Variants in ACOXL observed in about 807,000 individuals in gnomAD.
The protein encoded by ACOXL is acyl-CoA oxidase like.
A neutral mutation model predicts 71.9 loss-of-function variants in ACOXL; 70 were observed. The observed-to-expected ratio is 0.97, with a 90% CI of 0.80 to 1.19. The LOEUF (loss-of-function observed/expected upper bound fraction) is 1.19, where lower values mean the gene tolerates loss of function less well. Among genes scored for constraint, ACOXL ranks in the 50% most tolerant of loss-of-function variants. The pLI is 0.00. For missense variants in ACOXL, 703 were observed against 736.3 expected, an observed-to-expected ratio of 0.95 and a Z score of 0.52; for synonymous variants, 253 against 281.6, an observed-to-expected ratio of 0.90 and a Z score of 1.02.
chr2:110,891,692 C>T (rs558401103), intron 10 of ACOXL, among the ~76,000 whole-genome samples: 1 of 152,154 alleles, frequency 6.6e-6, no homozygotes, highest in East Asian at 1.9e-4. Flanking sequence ...AAATCAATTT[C>T]AGCAATTAAA....
At chr2:111,049,101 A>G (rs941513597) in intron 15 of ACOXL, 117 bp from the exon 16 acceptor site, 10 of 832,262 alleles carry the variant, frequency 1.2e-5, no homozygotes, top group Non-Finnish European at 1.5e-5. Context: ...CATGTCACCA[A>G]GGAAGGACGG....
In ACOXL at chr2:110,995,961, A is replaced by G; in HGVS notation, c.1238A>G (p.Glu413Gly). The G allele has an allele frequency of 6.2e-7, 1 of 1,613,270 alleles. No individual in the cohort carries two copies. Among genetic ancestry groups the G allele is most frequent in the South Asian group, 1.1e-5 (1 of 91,078 alleles). Residue 413 changes from glutamate to glycine, a missense_variant, in exon 14 of 18, where the codon GAA (glutamate) becomes GGA (glycine). Physicochemically the swap from Glu to Gly is moderately conservative, Grantham distance 98 (BLOSUM62 -2). Transcript: ENST00000439055. The stretch of plus-strand genomic sequence containing the variant: ...CTGTTGAAAGCAGTGAAATTTCGTG[A>G]AAGGGTTCTTCAGCGGGGTTTGGTG... ...AFLLKAVKFR[E>G]RVLQRGLVAR...
chr2:110,761,959 A>C (rs1385509988), intron 1 of ACOXL, among the ~76,000 whole-genome samples: 2 of 151,932 alleles, frequency 1.3e-5, no homozygotes, highest in African/African-American at 4.8e-5. Flanking sequence ...CTTTCTTCTG[A>C]TTGGCTCTAG....
intron 16 of ACOXL, 54 bp from the exon 17 acceptor site, chr2:111,092,811 G>A: frequency 7.9e-7 from 1 of 1,266,866 alleles, no homozygotes; most frequent in Non-Finnish European, 1.1e-6. Flanking sequence ...TAGATTTTGT[G>A]TTTTCTAATA....
At chr2:111,011,687 A>T (rs536110123) in intron 14 of ACOXL, among the ~76,000 whole-genome samples, 11 of 152,222 alleles carry the variant, frequency 7.2e-5, no homozygotes, top group Non-Finnish European at 1.6e-4. Context: ...GTTTGAGACC[A>T]GCCTGACCAA....
intron 15 of ACOXL, among the ~76,000 whole-genome samples, chr2:111,034,927 T>C (rs973824914): frequency 6.6e-6 from 1 of 151,958 alleles, no homozygotes; most frequent in African/African-American, 2.4e-5. Flanking sequence ...ACAGTCTTTT[T>C]TTTTTTTTTT....
At chr2:110,938,970 T>C (rs933082924) in intron 12 of ACOXL, among the ~76,000 whole-genome samples, 1 of 152,206 alleles carries the variant, frequency 6.6e-6, no homozygotes, top group Non-Finnish European at 1.5e-5. Flanking sequence ...ACAACCCATA[T>C]TGACAGCTCA....
intron 1 of ACOXL, among the ~76,000 whole-genome samples, chr2:110,736,536 A>G (rs1676863649): frequency 6.6e-6 from 1 of 152,068 alleles, no homozygotes; most frequent in Non-Finnish European, 1.5e-5. Flanking sequence ...AGGTTCATCC[A>G]TGTTGTAGCA....
At chr2:110,993,709 C>T (rs540149130) in intron 13 of ACOXL, among the ~76,000 whole-genome samples, 25 of 152,264 alleles carry the variant, frequency 1.6e-4, no homozygotes, top group Middle Eastern at 3.4e-3. Flanking sequence ...ACTGTGACAA[C>T]ATTTTGCAAA....
chr2:110,833,670 T>TA lies in ACOXL; in HGVS notation c.754-7694dup, dbSNP rs994463259. Among the ~76,000 whole-genome samples the TA allele has an allele frequency of 3.3e-5, 5 of 152,328 alleles. No homozygotes were observed. The East Asian group carries it at 7.7e-4, about 23-fold the overall frequency. The stretch of plus-strand genomic sequence containing the variant: ...TTATCTCAAAATAAACAGCCTGATT[T>TA]AAAAAAACTGTTTATTTTCCCTGCA... On this transcript the variant is annotated intron_variant, in intron 9 of 17. Coordinates refer to ENST00000439055, the MANE Select transcript of ACOXL (RefSeq NM_001142807.4).
Position 110,812,760 on chromosome 2 carries a change from A to G in ACOXL, c.753+7365A>G, listed in dbSNP as rs547799359. On this transcript the variant is annotated intron_variant, in intron 9 of 17. Transcript: ENST00000439055. ...ATATTTGAAAGAATTTCCATTTTGA[A>G]TTTGCTTCGATTCCACGAAGACGTG... Among the ~76,000 whole-genome samples, 5 of 152,350 alleles carry G rather than the reference A, an allele frequency of 3.3e-5. No individual in the cohort carries two copies. The South Asian group carries it at 1.0e-3, about 32-fold the overall frequency.
intron 9 of ACOXL, among the ~76,000 whole-genome samples, chr2:110,828,024 G>T (rs968256517): frequency 6.6e-6 from 1 of 152,168 alleles, no homozygotes; most frequent in South Asian, 2.1e-4. Flanking sequence ...AGGCTGGAGT[G>T]CAGTGGCATG....
At chr2:110,803,296 C>T (rs1232731359) in intron 8 of ACOXL, among the ~76,000 whole-genome samples, 1 of 152,188 alleles carries the variant, frequency 6.6e-6, no homozygotes, top group Non-Finnish European at 1.5e-5. Context: ...GTAATCAAGA[C>T]AGTGTGGTAT....
chr2:110,809,253 C>T (rs1049883077), intron 9 of ACOXL, among the ~76,000 whole-genome samples: 1 of 152,246 alleles, frequency 6.6e-6, no homozygotes, highest in African/African-American at 2.4e-5. Flanking sequence ...GTGCATTGTG[C>T]TGTAAGCAGG....
intron 10 of ACOXL, among the ~76,000 whole-genome samples, chr2:110,879,066 A>AG (rs1558662769): frequency 6.6e-6 from 1 of 152,046 alleles, no homozygotes; most frequent in East Asian, 1.9e-4. Flanking sequence ...AAAAAAAAAA[A>AG]AAAGTCAAAA....
intron 12 of ACOXL, among the ~76,000 whole-genome samples, chr2:110,954,098 G>A (rs2061419622): frequency 6.6e-6 from 1 of 152,166 alleles, no homozygotes; most frequent in Non-Finnish European, 1.5e-5. Context: ...CTAGCGAATT[G>A]AGTATTTGAC....
intron 1 of ACOXL, among the ~76,000 whole-genome samples, chr2:110,758,324 G>A (rs1169463345): frequency 6.6e-6 from 1 of 152,180 alleles, no homozygotes. Context: ...GTCAAATAGT[G>A]TGATGCTTCC....
intron 9 of ACOXL, among the ~76,000 whole-genome samples, chr2:110,806,603 G>A (rs947905751): frequency 6.6e-6 from 1 of 152,252 alleles, no homozygotes; most frequent in Non-Finnish European, 1.5e-5. Context: ...AGGGAAGATT[G>A]GTTAAACATC....
intron 14 of ACOXL, among the ~76,000 whole-genome samples, chr2:111,013,376 T>G (rs2064259065): frequency 6.6e-6 from 1 of 151,774 alleles, no homozygotes; most frequent in South Asian, 2.1e-4. Context: ...ATACAAAAAT[T>G]AGCCAGGTGT....
Sources: gnomAD v4.1 joint callset for allele counts (sites outside exome capture counted in the v4.1 genomes callset) on GRCh38, gnomAD v4.1.1 for gene constraint, MANE v1.5 for transcripts, NCBI Gene and HGNC (gene_info 2026-07-23, HGNC 2026-07-21) for gene names.